Variants in SCAP observed in about 807,000 individuals in gnomAD.
The protein encoded by SCAP is sterol regulatory element-binding protein cleavage-activating protein.
A neutral mutation model predicts 123.6 loss-of-function variants in SCAP; 65 were observed. The ratio of observed to expected loss-of-function variants is 0.53; its 90% confidence interval spans 0.43 to 0.65. SCAP has a LOEUF of 0.65. Among genes scored for constraint, SCAP ranks in the 30% least tolerant of loss-of-function variants. The pLI, the probability that SCAP is intolerant of heterozygous loss-of-function variation, is 0.00. For missense variants in SCAP, 1,398 were observed against 1,712.5 expected (o/e 0.82, Z 3.24); for synonymous variants, 740 against 726.3 (o/e 1.02, Z -0.30).
At chr3:47,448,114 A>T (rs1707121183) in intron 1 of SCAP, among the ~76,000 whole-genome samples, 1 of 151,710 alleles carries the variant, frequency 6.6e-6, no homozygotes, top group East Asian at 1.9e-4. Flanking sequence ...CTTCCAATCC[A>T]TGAACATGGT....
intron 1 of SCAP, among the ~76,000 whole-genome samples, chr3:47,467,617 G>GA (rs986185022): frequency 6.7e-5 from 10 of 148,550 alleles, no homozygotes; most frequent in Non-Finnish European, 9.0e-5. Context: ...AAAAGAAAAA[G>GA]AAAAAAAAAC....
At chr3:47,428,754 ATT>A in intron 3 of SCAP, 84 bp from the exon 4 acceptor site, 1 of 1,467,106 alleles carries the variant, frequency 6.8e-7, no homozygotes, top group East Asian at 2.3e-5. Context: ...TTTAATGGGC[ATT>A]GGAAACCGTG....
Position 47,415,003 on chromosome 3 carries a change from A to C in SCAP, c.3140-10T>G, listed in dbSNP as rs1381575050. The C allele has an allele frequency of 1.3e-6, 2 of 1,583,028 alleles. No homozygotes were observed. The highest frequency in any genetic ancestry group is 1.7e-6 in the Non-Finnish European group (2 of 1,165,736). The stretch of plus-strand genomic sequence containing the variant: ...CCCCGCCCTGGGGTCCCTGAGGACA[A>C]AAGGCCAAGTGAAGAATCTCTGAGA... On this transcript the variant is annotated splice_polypyrimidine_tract_variant and intron_variant, in intron 19 of 22. Coordinates refer to ENST00000265565, the MANE Select transcript of SCAP (RefSeq NM_012235.4).
At position 47,419,619 on chromosome 3, in the gene SCAP, T is replaced by C. The variant is rs1401364838; in HGVS notation, c.1649A>G (p.Gln550Arg). The C allele has an allele frequency of 6.3e-7, 1 of 1,590,802 alleles. No homozygotes were observed. Among genetic ancestry groups the C allele is most frequent in the African/African-American group, 1.3e-5 (1 of 74,350 alleles). ...RNYLAAQVTE[Q>R]SPLGEGALAP... is the part of the protein sequence containing the mutation. Reference sequence around the variant, plus strand: ...CAGGGCTCCCTCACCCAATGGGCTCTGTTCCGTCACCTGGGCAGCGAGGTA... The same window carrying C: ...CAGGGCTCCCTCACCCAATGGGCTCCGTTCCGTCACCTGGGCAGCGAGGTA... The change falls in exon 13 of 23, where the codon CAG (glutamine) becomes CGG (arginine). Residue 550 changes from glutamine to arginine, a missense_variant. Gln to Arg is a conservative substitution (Grantham distance 43). Around this residue, in one of 7 missense-constraint regions of SCAP, gnomAD observed 828 missense variants for 882.5 expected, o/e 0.94. Transcript: ENST00000265565. This position sits in a 1 kb window ranked among gnomAD's most constrained non-coding sequence, Gnocchi z 5.0.
Position 47,435,027 on chromosome 3 carries a change from G to T in SCAP, c.233C>A (p.Pro78His), listed in dbSNP as rs1706513122. 6.2e-7 allele frequency: 1 copy of T among 1,614,042 alleles called. No homozygotes were observed. Among genetic ancestry groups the T allele is most frequent in the Admixed American group, 1.7e-5 (1 of 59,986 alleles). ...PVDSDRKQGE[P>H]TEQPEWYVGA... Reference sequence around the variant, plus strand: ...ACCCACCCACTCAGGCTGCTCAGTAGGCTCTCCTTGTTTGCGGTCAGAGTC... The same window carrying T: ...ACCCACCCACTCAGGCTGCTCAGTATGCTCTCCTTGTTTGCGGTCAGAGTC... Residue 78 changes from proline (P) to histidine (H), a missense_variant, in exon 3 of 23, where the codon CCT (proline) becomes CAT (histidine). Physicochemically the swap from Pro to His is moderately conservative, Grantham distance 77. Coordinates refer to ENST00000265565, the MANE Select transcript of SCAP (RefSeq NM_012235.4).
rs757124008 is a variant in SCAP, at chr3:47,419,006, C to T, written c.1941-163G>A. 2.0e-5 allele frequency among the ~76,000 whole-genome samples: 3 copies of T among 152,200 alleles called. No homozygotes were observed. Among genetic ancestry groups the T allele is most frequent in the African/African-American group, 4.8e-5 (2 of 41,460 alleles). ...GGACAGAGGTAGGTCCCTCCCCAGC[C>T]CAGCTTAGCAGCCAACTTGCTGTCC... On this transcript the variant is annotated intron_variant, in intron 13 of 22. Transcript: ENST00000265565. This position sits in a 1 kb window ranked among gnomAD's most constrained non-coding sequence, Gnocchi z 5.0.
In SCAP at chr3:47,420,218, C is replaced by T. The variant is rs1299466861; in HGVS notation, c.1563+336G>A. Among the ~76,000 whole-genome samples, 1 of 152,204 alleles carries T rather than the reference C, an allele frequency of 6.6e-6. No individual in the cohort carries two copies. The highest frequency in any genetic ancestry group is 1.9e-4 in the East Asian group (1 of 5,192). On this transcript the variant is annotated intron_variant, in intron 12 of 22. Transcript: ENST00000265565. This position sits in a 1 kb window ranked among gnomAD's most constrained non-coding sequence, Gnocchi z 5.0. ...TTTCCAGTGTCTGCACACCATGCAGCGGCCGATGAACCCGACCCAGGGCAA... is the reference window on the plus strand; with the variant it reads ...TTTCCAGTGTCTGCACACCATGCAGTGGCCGATGAACCCGACCCAGGGCAA...
chr3:47,449,702 T>C (rs1707174843), intron 1 of SCAP, among the ~76,000 whole-genome samples: 1 of 124,508 alleles, frequency 8.0e-6, no homozygotes, highest in Admixed American at 8.9e-5. Context: ...ATTTCCAGGT[T>C]TGGGGCTGAC....
At position 47,427,607 on chromosome 3, in the gene SCAP, A is replaced by C. The variant is rs1706194205; in HGVS notation, c.471T>G (p.Leu157=). 1 of 1,613,986 alleles carries C rather than the reference A, an allele frequency of 6.2e-7. No homozygotes were observed. The highest frequency in any genetic ancestry group is 1.3e-5 in the African/African-American group (1 of 74,898). The stretch of plus-strand genomic sequence containing the variant: ...CAGGGAGTAGGTTCCTGAGCTTCCT[A>C]AGGCCTGGCAGCAGGTCGGTCACTT... The part of the protein sequence containing the change: ...CLQVTDLLPG[L]RKLRNLLPEH... Residue 157 remains leucine, a synonymous_variant, in exon 5 of 23, where the codon CTT becomes CTG. Coordinates refer to ENST00000265565, the MANE Select transcript of SCAP (RefSeq NM_012235.4).
chr3:47,475,833 G>GCGGCGGCGGCGA lies in SCAP; in HGVS notation c.-145_-134dup, dbSNP rs1708250755. The GCGGCGGCGGCGA allele has an allele frequency of 6.2e-6, 1 of 161,146 alleles. No homozygotes were observed. Among genetic ancestry groups the GCGGCGGCGGCGA allele is most frequent in the Admixed American group, 6.5e-5 (1 of 15,330 alleles). 10.0% of individuals were successfully genotyped at this position (161,146 alleles called of 1,614,324 possible). A position where few individuals can be genotyped will look rare whatever the true frequency, so the allele number is the denominator to read the frequency against. On this transcript the variant is annotated 5_prime_UTR_variant, in exon 1 of 23. Transcript: ENST00000265565. ...CAGCACCTCCCAAGCTGCGGCGGCG[G>GCGGCGGCGGCGA]CGGCGGCGGCGACGGGGGCGGCAGC...
intron 2 of SCAP, among the ~76,000 whole-genome samples, chr3:47,435,465 AACATACACACACACAC>A (rs1290474697): frequency 3.8e-4 from 46 of 121,524 alleles, no homozygotes; most frequent in East Asian, 3.4e-3. Context: ...ATATAATATA[AACATACACACACACAC>A]ACACACACAC....
At position 47,418,089 on chromosome 3, in the gene SCAP, G is replaced by C. The variant is rs761115851; in HGVS notation, c.2447+45C>G. The C allele has an allele frequency of 2.1e-5, 30 of 1,437,914 alleles. 1 individual carries two copies. The highest frequency in any genetic ancestry group is 2.4e-5 in the Non-Finnish European group (25 of 1,050,786). 89.1% of individuals were successfully genotyped at this position (1,437,914 alleles called of 1,614,324 possible). The stretch of plus-strand genomic sequence containing the variant: ...TACGTGGCGGCGGGGGGTGGGGTGA[G>C]GGGGGTTGTGGGGGCACAAAGGAGG... On this transcript the variant is annotated intron_variant, in intron 16 of 22. Transcript: ENST00000265565.
intron 1 of SCAP, among the ~76,000 whole-genome samples, chr3:47,467,101 A>T (rs865782817): frequency 6.8e-6 from 1 of 146,834 alleles, no homozygotes; most frequent in African/African-American, 2.6e-5. Context: ...TTAAAAAAGA[A>T]AAAAAAAAAA....
intron 1 of SCAP, among the ~76,000 whole-genome samples, chr3:47,460,701 G>A (rs1228129050): frequency 1.3e-5 from 2 of 152,080 alleles, no homozygotes; most frequent in African/African-American, 2.4e-5. Context: ...GGGATTACAG[G>A]TGCCTGCCAC....
intron 1 of SCAP, among the ~76,000 whole-genome samples, chr3:47,459,620 G>C (rs866571461): frequency 6.6e-6 from 1 of 152,136 alleles, no homozygotes; most frequent in Non-Finnish European, 1.5e-5. Context: ...CAAAAGGGGA[G>C]GGGGTGCAAG....
chr3:47,470,617 C>T (rs1426522198), intron 1 of SCAP, among the ~76,000 whole-genome samples: 1 of 152,224 alleles, frequency 6.6e-6, no homozygotes, highest in Non-Finnish European at 1.5e-5. Flanking sequence ...AATCCCAACA[C>T]TTTGGGAGGC....
rs1576313473 is a variant in SCAP at position 47,463,505 on chromosome 3, C to T, written c.-99+12294G>A. Among the ~76,000 whole-genome samples, 5 of 152,236 alleles carry T rather than the reference C, an allele frequency of 3.3e-5. No homozygotes were observed. In the South Asian group the frequency reaches 6.2e-4, roughly 19 times the overall value. ...TCACTTGAGGTCAGGAGTTTGAGAC[C>T]AGCCTGGCCAACATAGTGAAACCTT... On this transcript the variant is annotated intron_variant, in intron 1 of 22. Transcript: ENST00000265565.
chr3:47,473,148 T>C (rs1334431633), intron 1 of SCAP, among the ~76,000 whole-genome samples: 1 of 149,378 alleles, frequency 6.7e-6, no homozygotes, highest in East Asian at 2.0e-4. Context: ...TGGACTCTTT[T>C]GTCAGCCAAA....
At chr3:47,474,844 C>T (rs184706186) in intron 1 of SCAP, among the ~76,000 whole-genome samples, 1 of 152,214 alleles carries the variant, frequency 6.6e-6, no homozygotes, top group East Asian at 1.9e-4. Context: ...TGAGGAACAC[C>T]TAAAATGGAT....
Sources: allele counts gnomAD v4.1 joint callset (sites outside exome capture counted in the v4.1 genomes callset), GRCh38; gene constraint gnomAD v4.1.1; regional missense constraint gnomAD v4.1.1; non-coding constraint Gnocchi (gnomAD v3.1); transcripts MANE v1.5; gene names NCBI Gene and HGNC (gene_info 2026-07-23, HGNC 2026-07-21).